The following FKBP8 variants were observed in gnomAD, a reference collection of about 807,000 sequenced individuals.
The protein encoded by FKBP8 is peptidyl-prolyl cis-trans isomerase FKBP8.
Under a neutral mutation model 41.7 loss-of-function variants are expected in FKBP8, and 5 were observed. That is an observed-to-expected ratio of 0.12 (90% CI 0.06 to 0.25). The LOEUF (loss-of-function observed/expected upper bound fraction) is 0.25, where lower values mean the gene tolerates loss of function less well. FKBP8 is among the 10% of genes least tolerant of loss of function. The pLI is 1.00. For missense variants in FKBP8, 397 were observed against 563.0 expected (o/e 0.71, Z 2.98); for synonymous variants, 279 against 254.5 (o/e 1.10, Z -0.92).
chr19:18,542,322 T>G, intron 1 of FKBP8: 2 of 245,832 alleles, frequency 8.1e-6, no homozygotes, highest in Non-Finnish European at 1.6e-5. Flanking sequence ...GCAAAGGCAT[T>G]TGCCCAAGGT....
At chr19:18,535,752 A>G (rs1433602951) in intron 6 of FKBP8, among the ~76,000 whole-genome samples, 2 of 149,186 alleles carry the variant, frequency 1.3e-5, no homozygotes. Flanking sequence ...AGGGGGTAGA[A>G]GATGGAAATC....
intron 6 of FKBP8, among the ~76,000 whole-genome samples, chr19:18,533,836 A>C (rs1488225616): frequency 2.1e-5 from 3 of 146,010 alleles, no homozygotes; most frequent in East Asian, 2.0e-4. Context: ...GAAACCCTGT[A>C]TCTACTAAAA....
At chr19:18,535,797 G>T (rs1161742596) in intron 6 of FKBP8, among the ~76,000 whole-genome samples, 1 of 151,806 alleles carries the variant, frequency 6.6e-6, no homozygotes, top group African/African-American at 2.4e-5. Context: ...GAGCATCATG[G>T]TCACCCTGAG....
chr19:18,539,454 C>T lies in FKBP8; in HGVS notation c.468G>A (p.Leu156=). ...TLGDCDVIQA[L]DLSVPLMDVG... Reference sequence around the variant, plus strand: ...CGTCCATGAGTGGGACACTGAGATCCAGGGCCTGGGGTGTGTGGGGATAGC... The same window carrying T: ...CGTCCATGAGTGGGACACTGAGATCTAGGGCCTGGGGTGTGTGGGGATAGC... Residue 156 remains leucine (L), a synonymous_variant, in exon 4 of 9, where the codon CTG becomes CTA. Transcript: ENST00000608443. The T allele has an allele frequency of 1.2e-6, 2 of 1,613,734 alleles. No homozygotes were observed. Among genetic ancestry groups the T allele is most frequent in the African/African-American group, 2.7e-5 (2 of 75,050 alleles).
intron 6 of FKBP8, among the ~76,000 whole-genome samples, chr19:18,534,573 T>G (rs571550206): frequency 5.9e-5 from 9 of 151,670 alleles, no homozygotes; most frequent in South Asian, 2.1e-4. Flanking sequence ...TTCCAGAGGT[T>G]GTTGTTTTTT....
In FKBP8 at chr19:18,532,235, C is replaced by T. The variant is rs745631072; in HGVS notation, c.1176G>A (p.Leu392=). 1.9e-6 allele frequency: 3 copies of T among 1,609,200 alleles called. No individual in the cohort carries two copies. Among genetic ancestry groups the T allele is most frequent in the Non-Finnish European group, 1.7e-6 (2 of 1,178,216 alleles). Residue 392 remains leucine, a synonymous_variant, in exon 9 of 9, where the codon CTG becomes CTA. Transcript: ENST00000608443. The part of the protein sequence containing the change: ...KGAWSIPWKW[L]FGATAVALGG... The stretch of plus-strand genomic sequence containing the variant: ...CCAAGGCAACAGCAGTCGCCCCAAA[C>T]AGCCACTTCCATGGGATGGACTGTG...
rs762295462 is a variant in FKBP8, at chr19:18,532,147, G to A, written c.*22C>T. ...AGGGCAGGGTCCATGGTGTGCAGAG[G>A]GGGTGGCAGCCACCTAGGTGGTCAG... On this transcript the variant is annotated 3_prime_UTR_variant, in exon 9 of 9. Transcript: ENST00000608443. 32 of 1,567,496 alleles carry A rather than the reference G, an allele frequency of 2.0e-5. No individual in the cohort carries two copies. Among genetic ancestry groups the A allele is most frequent in the Non-Finnish European group, 2.7e-5 (31 of 1,155,536 alleles).
In FKBP8 at chr19:18,539,450, G is replaced by C; in HGVS notation, c.472C>G (p.Leu158Val). The C allele has an allele frequency of 6.2e-7, 1 of 1,613,820 alleles. No individual in the cohort carries two copies. Among genetic ancestry groups the C allele is most frequent in the Non-Finnish European group, 8.5e-7 (1 of 1,179,972 alleles). The change falls in exon 4 of 9, where the codon CTC becomes GTC. Residue 158 changes from leucine (L) to valine (V), a missense_variant. This residue lies in a region of FKBP8 where 225 missense variants were observed against 366.8 expected (regional missense o/e 0.61). Coordinates refer to ENST00000608443, the MANE Select transcript of FKBP8 (RefSeq NM_012181.5). ...CCCACGTCCATGAGTGGGACACTGA[G>C]ATCCAGGGCCTGGGGTGTGTGGGGA... ...GDCDVIQALD[L>V]SVPLMDVGET...
At chr19:18,536,753 A>G (rs1438067259) in intron 6 of FKBP8, among the ~76,000 whole-genome samples, 1 of 151,968 alleles carries the variant, frequency 6.6e-6, no homozygotes, top group African/African-American at 2.4e-5. Flanking sequence ...CCAAATCTCC[A>G]CCTTTGAGTA....
At chr19:18,540,230 G>A (rs1310448934) in intron 2 of FKBP8, among the ~76,000 whole-genome samples, 1 of 152,104 alleles carries the variant, frequency 6.6e-6, no homozygotes, top group African/African-American at 2.4e-5. Context: ...ATGAAATGAG[G>A]TGCTCATGGG....
At chr19:18,535,814 G>A (rs1301215516) in intron 6 of FKBP8, among the ~76,000 whole-genome samples, 1 of 151,888 alleles carries the variant, frequency 6.6e-6, no homozygotes, top group Non-Finnish European at 1.5e-5. Flanking sequence ...TGAGAGAGGA[G>A]CCGGCCCAGG....
At chr19:18,542,835 G>A in intron 1 of FKBP8, 1 of 1,134,918 alleles carries the variant, frequency 8.8e-7, no homozygotes, top group Non-Finnish European at 1.2e-6. Context: ...AAGCTCAGAA[G>A]AGTGTGGCAC....
At chr19:18,536,599 C>G (rs1976584277) in intron 6 of FKBP8, among the ~76,000 whole-genome samples, 1 of 152,170 alleles carries the variant, frequency 6.6e-6, no homozygotes, top group African/African-American at 2.4e-5. Context: ...ATGCGATCCT[C>G]CTGCCTTGGC....
chr19:18,542,950 AAT>A, intron 1 of FKBP8: 1 of 1,055,028 alleles, frequency 9.5e-7, no homozygotes, highest in South Asian at 1.6e-5. Context: ...CCACCCCCAT[AAT>A]TCCCCGCGCC....
rs1976605639 is a variant in FKBP8 at position 18,537,490 on chromosome 19, C to T, written c.945+111G>A. ...GGGCCTCAGTTTCTCCACCTGCACC[C>T]CACAGAGCTCAGCTGGCTTATATAC... On this transcript the variant is annotated intron_variant, in intron 6 of 8. Coordinates refer to ENST00000608443, the MANE Select transcript of FKBP8 (RefSeq NM_012181.5). This position sits in a 1 kb window ranked among gnomAD's most constrained non-coding sequence, Gnocchi z 4.4. 9.5e-7 allele frequency: 1 copy of T among 1,056,058 alleles called. No homozygotes were observed. Among genetic ancestry groups the T allele is most frequent in the Non-Finnish European group, 1.3e-6 (1 of 767,544 alleles). 65.4% of individuals were successfully genotyped at this position (1,056,058 alleles called of 1,614,324 possible). A position where few individuals can be genotyped will look rare whatever the true frequency, so the allele number is the denominator to read the frequency against.
In FKBP8 at chr19:18,537,936, G is replaced by A; in HGVS notation, c.773-163C>T. 1.3e-6 allele frequency: 1 copy of A among 777,888 alleles called. No homozygotes were observed. The highest frequency in any genetic ancestry group is 2.7e-5 in the East Asian group (1 of 36,880). 48.2% of individuals were successfully genotyped at this position (777,888 alleles called of 1,614,324 possible). ...GGCTCTCCTGAGGAAGCTACAAGAT[G>A]GAGACTTAAGCAAGCGAGGGCCTAG... On this transcript the variant is annotated intron_variant, in intron 5 of 8. Coordinates refer to ENST00000608443, the MANE Select transcript of FKBP8 (RefSeq NM_012181.5). The surrounding 1 kb of genome is among the most constrained non-coding windows in gnomAD (Gnocchi z 4.4).
intron 8 of FKBP8, 58 bp downstream of exon 8, chr19:18,532,606 A>C: frequency 6.3e-7 from 1 of 1,589,282 alleles, no homozygotes. Context: ...GCAAAATAAA[A>C]TCCCTCTGCT....
At chr19:18,534,359 A>G (rs1976521532) in intron 6 of FKBP8, among the ~76,000 whole-genome samples, 1 of 152,178 alleles carries the variant, frequency 6.6e-6, no homozygotes, top group Admixed American at 6.6e-5. Context: ...TACTCATACA[A>G]GTGCCAAATG....
In FKBP8 at chr19:18,539,637, G is replaced by A. The variant is rs1976655406; in HGVS notation, c.376C>T (p.His126Tyr). Residue 126 changes from histidine (H) to tyrosine (Y), a missense_variant, in exon 3 of 9, where the codon CAT becomes TAT. His to Tyr is a moderately conservative substitution (Grantham distance 83). Around this residue, in one of 2 missense-constraint regions of FKBP8, gnomAD observed 172 missense variants for 196.2 expected, o/e 0.88. Coordinates refer to ENST00000608443, the MANE Select transcript of FKBP8 (RefSeq NM_012181.5). ...RPVKGQVVTV[H>Y]LQTSLENGTR... ...CCATTCTCCAGCGACGTCTGCAGAT[G>A]TACGGTGACCACCTGGCCCTTGACC... 6 of 1,612,794 alleles carry A rather than the reference G, an allele frequency of 3.7e-6. No homozygotes were observed. Among genetic ancestry groups the A allele is most frequent in the East Asian group, 4.5e-5 (2 of 44,892 alleles).
Sources: gnomAD v4.1 joint callset for allele counts (sites outside exome capture counted in the v4.1 genomes callset) on GRCh38, gnomAD v4.1.1 for gene constraint, gnomAD v4.1.1 regional missense constraint, Gnocchi (gnomAD v3.1) non-coding constraint, MANE v1.5 for transcripts, NCBI Gene and HGNC (gene_info 2026-07-23, HGNC 2026-07-21) for gene names.